CUX1: variants seen among roughly 807,000 people sequenced by gnomAD.
The protein encoded by CUX1 is cut like homeobox 1.
In CUX1, 31 loss-of-function variants were observed where a neutral mutation model predicts 158.8. The observed-to-expected ratio is 0.20, with a 90% confidence interval of 0.15 to 0.26. CUX1 has a LOEUF of 0.26. CUX1 is among the 10% of genes least tolerant of loss of function. The pLI is 1.00. For synonymous variants in CUX1, 879 were observed against 862.1 expected, an observed-to-expected ratio of 1.02 and a Z score of -0.34; for missense variants, 1,589 against 2,014.6, an observed-to-expected ratio of 0.79 and a Z score of 4.04.
At chr7:102,051,419 G>A (rs1823481549) in intron 3 of CUX1, among the ~76,000 whole-genome samples, 1 of 151,686 alleles carries the variant, frequency 6.6e-6, no homozygotes, top group Non-Finnish European at 1.5e-5. Context: ...AGACTGACGC[G>A]GGCGTATCAC....
intron 22 of CUX1, 126 bp from the exon 23 acceptor site, chr7:102,239,194 A>C: frequency 2.7e-6 from 3 of 1,102,440 alleles, no homozygotes; most frequent in Non-Finnish European, 3.8e-6. Flanking sequence ...GCCTCATCTT[A>C]GTGTTTTGAG....
At chr7:102,271,253 C>A (rs1791193484) in intron 14 of CUX1, among the ~76,000 whole-genome samples, 1 of 152,176 alleles carries the variant, frequency 6.6e-6, no homozygotes, top group African/African-American at 2.4e-5. Flanking sequence ...GCTTAACGCC[C>A]TCTTTTTATC....
intron 1 of CUX1, among the ~76,000 whole-genome samples, chr7:101,839,717 A>G (rs1795014194): frequency 6.6e-6 from 1 of 151,574 alleles, no homozygotes; most frequent in East Asian, 1.9e-4. Flanking sequence ...TTGATTTGCA[A>G]GAGCTCCTTG....
intron 15 of CUX1, among the ~76,000 whole-genome samples, chr7:102,273,793 T>A (rs1261616886): frequency 6.6e-6 from 1 of 152,104 alleles, no homozygotes; most frequent in East Asian, 1.9e-4. Context: ...CATGCACCCA[T>A]CTCCCAGCTA....
intron 3 of CUX1, among the ~76,000 whole-genome samples, chr7:102,063,813 A>G (rs958688628): frequency 3.9e-5 from 6 of 152,068 alleles, no homozygotes; most frequent in Non-Finnish European, 7.4e-5. Context: ...CATATTAAAC[A>G]CCCACTGCGT....
intron 1 of CUX1, among the ~76,000 whole-genome samples, chr7:101,876,761 A>G (rs1799190628): frequency 6.6e-6 from 1 of 152,048 alleles, no homozygotes; most frequent in African/African-American, 2.4e-5. Context: ...ACACACACAC[A>G]CTGTATTTGA....
intron 8 of CUX1, among the ~76,000 whole-genome samples, chr7:102,157,024 C>T (rs1218742738): frequency 3.3e-5 from 5 of 152,122 alleles, no homozygotes; most frequent in Non-Finnish European, 5.9e-5. Context: ...TTCCCTGGGA[C>T]GAGAAGGCAT....
At chr7:101,860,463 G>T (rs1371508955) in intron 1 of CUX1, among the ~76,000 whole-genome samples, 1 of 152,144 alleles carries the variant, frequency 6.6e-6, no homozygotes, top group African/African-American at 2.4e-5. Context: ...ACAATATGAA[G>T]GATGAGTTTC....
intron 20 of CUX1, among the ~76,000 whole-genome samples, chr7:102,227,051 A>C (rs1798408315): frequency 6.6e-6 from 1 of 152,220 alleles, no homozygotes; most frequent in Non-Finnish European, 1.5e-5. Flanking sequence ...ATGGGGTTTC[A>C]TTAGAAGAAA....
intron 11 of CUX1, among the ~76,000 whole-genome samples, chr7:102,185,489 A>G (rs56235745): frequency 0.37 from 56,039 of 151,720 alleles, 10,640 homozygotes; most frequent in Middle Eastern, 0.49. Context: ...GCACCATCAC[A>G]GCTCACTGGA....
In CUX1 at chr7:102,133,579, G is replaced by A. The variant is rs1189954979; in HGVS notation, c.674+18306G>A. The stretch of plus-strand genomic sequence containing the variant: ...CAACCTCCGCCTCCCGGGTTCAAGC[G>A]ATTCTCCTGCCTTAGCCTACCAAGT... On this transcript the variant is annotated intron_variant, in intron 8 of 23. Coordinates refer to ENST00000292535, the MANE Select transcript of CUX1 (RefSeq NM_181552.4). 8.9e-5 allele frequency among the ~76,000 whole-genome samples: 13 copies of A among 145,992 alleles called. No homozygotes were observed. The East Asian group carries it at 1.4e-3, about 16-fold the overall frequency.
intron 1 of CUX1, among the ~76,000 whole-genome samples, chr7:101,864,901 G>A (rs1432493898): frequency 6.6e-6 from 1 of 151,944 alleles, no homozygotes; most frequent in East Asian, 1.9e-4. Flanking sequence ...TTCAACTGGG[G>A]GTGCTTCATG....
At chr7:101,890,848 C>T (rs1312622140) in intron 1 of CUX1, among the ~76,000 whole-genome samples, 3 of 152,198 alleles carry the variant, frequency 2.0e-5, no homozygotes, top group East Asian at 3.8e-4. Context: ...TCACTTTACA[C>T]ACTCATATGA....
chr7:102,140,429 A>G (rs1195366260), intron 8 of CUX1, among the ~76,000 whole-genome samples: 3 of 152,038 alleles, frequency 2.0e-5, no homozygotes, highest in African/African-American at 4.8e-5. Context: ...GTATTTTAGT[A>G]GAGACGGGGT....
intron 2 of CUX1, among the ~76,000 whole-genome samples, chr7:101,974,722 G>A (rs972027178): frequency 3.9e-5 from 6 of 152,156 alleles, no homozygotes; most frequent in African/African-American, 1.4e-4. Flanking sequence ...GCAGCTTGGC[G>A]TGAGGGGCTT....
intron 9 of CUX1, among the ~76,000 whole-genome samples, chr7:102,163,333 TAA>T (rs3216522): frequency 4.1e-5 from 6 of 147,006 alleles, no homozygotes; most frequent in South Asian, 2.2e-4. Context: ...CAAAAAAGTT[TAA>T]AAAAAAAAAA....
intron 1 of CUX1, among the ~76,000 whole-genome samples, chr7:101,893,449 T>G (rs1030376780): frequency 3.9e-5 from 6 of 152,186 alleles, no homozygotes; most frequent in African/African-American, 1.2e-4. Context: ...AAACATCAGC[T>G]CCAGGCTGTG....
intron 10 of CUX1, among the ~76,000 whole-genome samples, chr7:102,171,359 G>A (rs1791695339): frequency 6.6e-6 from 1 of 152,040 alleles, no homozygotes; most frequent in Non-Finnish European, 1.5e-5. Context: ...AGCAAAGCTG[G>A]ACATGTAATA....
chr7:101,938,995 C>T (rs1296177797), intron 2 of CUX1, among the ~76,000 whole-genome samples: 3 of 142,694 alleles, frequency 2.1e-5, no homozygotes, highest in Non-Finnish European at 3.0e-5. Context: ...GAGCCAAGAT[C>T]GTGCCACTGC....
Sources: allele counts gnomAD v4.1 joint callset (sites outside exome capture counted in the v4.1 genomes callset), GRCh38; gene constraint gnomAD v4.1.1; transcripts MANE v1.5; gene names NCBI Gene and HGNC (gene_info 2026-07-23, HGNC 2026-07-21).